The following CSGALNACT1 variants were observed in gnomAD, a reference collection of about 807,000 sequenced individuals.
CSGALNACT1 encodes chondroitin sulfate N-acetylgalactosaminyltransferase 1.
A neutral mutation model predicts 51.0 loss-of-function variants in CSGALNACT1; 52 were observed. That is an observed-to-expected ratio of 1.02 (90% CI 0.82 to 1.29). The LOEUF (loss-of-function observed/expected upper bound fraction) is 1.29. Among genes scored for constraint, CSGALNACT1 ranks in the 50% most tolerant of loss-of-function variants. The pLI, the probability that CSGALNACT1 is intolerant of heterozygous loss-of-function variation, is 0.00. For missense variants in CSGALNACT1, 935 were observed against 679.2 expected, an observed-to-expected ratio of 1.38 and a Z score of -4.19; for synonymous variants, 341 against 254.4, an observed-to-expected ratio of 1.34 and a Z score of -3.24.
At chr8:19,711,185 G>A (rs4922090) in intron 1 of CSGALNACT1, among the ~76,000 whole-genome samples, 116,033 of 152,060 alleles carry the variant, frequency 0.76, 44,399 homozygotes, top group East Asian at 0.86. Context: ...AGGCCCAATA[G>A]AAAGTAAGCA....
intron 3 of CSGALNACT1, among the ~76,000 whole-genome samples, chr8:19,579,551 T>C (rs1370552286): frequency 6.6e-6 from 1 of 152,218 alleles, no homozygotes; most frequent in African/African-American, 2.4e-5. Context: ...AATGTAGATT[T>C]AAGTAGAGAT....
chr8:19,578,588 C>T (rs1288733637), intron 3 of CSGALNACT1, among the ~76,000 whole-genome samples: 2 of 152,256 alleles, frequency 1.3e-5, no homozygotes, highest in African/African-American at 4.8e-5. Flanking sequence ...CAGATCCTAC[C>T]ATCCCTGTAT....
At chr8:19,505,053 T>C in intron 4 of CSGALNACT1, 148 bp downstream of exon 3, 1 of 788,326 alleles carries the variant, frequency 1.3e-6, no homozygotes, top group South Asian at 1.5e-5. Context: ...TAAAAAGCCA[T>C]GCCGTACCTT....
chr8:19,657,285 AAAGATAAAC>A (rs2058367950), intron 1 of CSGALNACT1, among the ~76,000 whole-genome samples: 3 of 151,154 alleles, frequency 2.0e-5, no homozygotes, highest in Admixed American at 6.6e-5. Flanking sequence ...AGATAAACTG[AAAGATAAAC>A]TGAAAGATAA....
intron 4 of CSGALNACT1, among the ~76,000 whole-genome samples, chr8:19,464,444 A>G (rs1811091260): frequency 6.6e-6 from 1 of 152,148 alleles, no homozygotes; most frequent in Non-Finnish European, 1.5e-5. Context: ...GGCCCCACCT[A>G]CTGTACTAGT....
chr8:19,622,430 G>C (rs1357486316), intron 1 of CSGALNACT1, among the ~76,000 whole-genome samples: 1 of 152,166 alleles, frequency 6.6e-6, no homozygotes, highest in Non-Finnish European at 1.5e-5. Context: ...CAAGCCAGTT[G>C]TTAAATGTAA....
At chr8:19,637,077 G>A (rs1018210276) in intron 1 of CSGALNACT1, among the ~76,000 whole-genome samples, 1 of 152,146 alleles carries the variant, frequency 6.6e-6, no homozygotes, top group East Asian at 1.9e-4. Flanking sequence ...GTCTCCACCT[G>A]TAATCCCTCA....
intron 3 of CSGALNACT1, among the ~76,000 whole-genome samples, chr8:19,547,275 G>A (rs59810980): frequency 6.6e-6 from 1 of 152,140 alleles, no homozygotes; most frequent in African/African-American, 2.4e-5. Context: ...GCTCTAACTG[G>A]TCATCTATGG....
At chr8:19,600,961 T>C (rs984074404) in intron 2 of CSGALNACT1, among the ~76,000 whole-genome samples, 2 of 152,146 alleles carry the variant, frequency 1.3e-5, no homozygotes, top group African/African-American at 2.4e-5. Context: ...TTTATGCCTA[T>C]TGAATTACTT....
chr8:19,613,403 C>T (rs945071537), intron 1 of CSGALNACT1, among the ~76,000 whole-genome samples: 3 of 152,230 alleles, frequency 2.0e-5, no homozygotes, highest in African/African-American at 7.2e-5. Context: ...TAACCTTTAT[C>T]ATCGCACAGA....
At chr8:19,717,556 G>A (rs537633030) in intron 1 of CSGALNACT1, among the ~76,000 whole-genome samples, 102 of 152,202 alleles carry the variant, frequency 6.7e-4, no homozygotes, top group Non-Finnish European at 1.2e-3. Context: ...CATAACGAAT[G>A]GTCCCACCAC....
chr8:19,548,038 T>G (rs1329893834), intron 3 of CSGALNACT1, among the ~76,000 whole-genome samples: 1 of 152,190 alleles, frequency 6.6e-6, no homozygotes, highest in Non-Finnish European at 1.5e-5. Flanking sequence ...ATTAACTCTG[T>G]GAGGTTGAAA....
At chr8:19,421,023 C>T (rs533965674) in intron 6 of CSGALNACT1, among the ~76,000 whole-genome samples, 8 of 152,188 alleles carry the variant, frequency 5.3e-5, no homozygotes, top group East Asian at 3.8e-4. Flanking sequence ...AGATTCCTTC[C>T]GCATCCTCGG....
At chr8:19,546,147 A>G (rs778443640) in intron 3 of CSGALNACT1, among the ~76,000 whole-genome samples, 103 of 152,258 alleles carry the variant, frequency 6.8e-4, no homozygotes, top group South Asian at 1.7e-3. Flanking sequence ...ACAAATAGAT[A>G]TATGCAGATA....
intron 4 of CSGALNACT1, 135 bp downstream of exon 3, chr8:19,505,066 G>A: frequency 1.2e-6 from 1 of 868,528 alleles, no homozygotes; most frequent in Non-Finnish European, 1.9e-6. Flanking sequence ...CGTACCTTTT[G>A]GTGTCACACA....
intron 3 of CSGALNACT1, among the ~76,000 whole-genome samples, chr8:19,574,370 A>T (rs574177553): frequency 1.3e-5 from 2 of 152,318 alleles, no homozygotes; most frequent in South Asian, 2.1e-4. Flanking sequence ...AGCCTCTTGG[A>T]ATCTGCCATC....
intron 1 of CSGALNACT1, among the ~76,000 whole-genome samples, chr8:19,615,746 C>T (rs928330250): frequency 2.6e-5 from 4 of 152,084 alleles, no homozygotes; most frequent in Non-Finnish European, 4.4e-5. Flanking sequence ...CAATCAAAAA[C>T]AAGAAGAGGA....
intron 4 of CSGALNACT1, 117 bp from the exon 4 acceptor site, chr8:19,458,759 C>A: frequency 1.0e-6 from 1 of 966,584 alleles, no homozygotes; most frequent in Non-Finnish European, 1.6e-6. Flanking sequence ...GAAATCTCTC[C>A]AACAATTATT....
At chr8:19,646,394 C>T (rs2057284466) in intron 1 of CSGALNACT1, among the ~76,000 whole-genome samples, 1 of 152,104 alleles carries the variant, frequency 6.6e-6, no homozygotes, top group African/African-American at 2.4e-5. Flanking sequence ...TAAATTAAGC[C>T]TGGATTTTCA....
Sources: allele counts gnomAD v4.1 joint callset (sites outside exome capture counted in the v4.1 genomes callset), GRCh38; gene constraint gnomAD v4.1.1; transcripts MANE v1.5; gene names NCBI Gene and HGNC (gene_info 2026-07-23, HGNC 2026-07-21).